GABBR2: variants seen among roughly 807,000 people sequenced by gnomAD.
GABBR2 encodes the protein G-protein coupled receptor 51.
In GABBR2, 23 loss-of-function variants were observed where a neutral mutation model predicts 105.6. The observed-to-expected ratio is 0.22, with a 90% CI of 0.16 to 0.31. GABBR2 has a LOEUF of 0.31. Ranked by LOEUF, GABBR2 falls within the 10% of genes least tolerant of loss-of-function variation. The pLI, the probability that GABBR2 is intolerant of heterozygous loss-of-function variation, is 1.00. For synonymous variants in GABBR2, 478 were observed against 499.7 expected, an observed-to-expected ratio of 0.96 and a Z score of 0.58; for missense variants, 734 against 1,245.5, an observed-to-expected ratio of 0.59 and a Z score of 6.18.
chr9:98,577,322 T>C (rs907952782), intron 2 of GABBR2, among the ~76,000 whole-genome samples: 14 of 151,724 alleles, frequency 9.2e-5, no homozygotes, highest in African/African-American at 1.7e-4. Context: ...CAGCTAACAC[T>C]GGAAAGTCTC....
intron 18 of GABBR2, among the ~76,000 whole-genome samples, chr9:98,292,377 C>T (rs534359629): frequency 6.6e-6 from 1 of 152,238 alleles, no homozygotes. Flanking sequence ...TGCTTCTGTT[C>T]AACCACATTG....
chr9:98,329,003 T>C (rs1293444899), intron 13 of GABBR2, among the ~76,000 whole-genome samples: 1 of 152,182 alleles, frequency 6.6e-6, no homozygotes, highest in Non-Finnish European at 1.5e-5. Context: ...GGGCTAGACA[T>C]AGCACCTGTC....
chr9:98,298,214 T>C (rs1457912454), intron 17 of GABBR2, among the ~76,000 whole-genome samples: 2 of 152,200 alleles, frequency 1.3e-5, no homozygotes, highest in East Asian at 3.9e-4. Flanking sequence ...ATAATCATAA[T>C]GTTGGCTTTC....
chr9:98,484,575 G>A (rs1827002482), intron 4 of GABBR2, among the ~76,000 whole-genome samples: 1 of 152,126 alleles, frequency 6.6e-6, no homozygotes, highest in South Asian at 2.1e-4. Flanking sequence ...GGGGGATGAG[G>A]CTGGATGGGG....
At chr9:98,537,456 CT>C (rs200207665) in intron 3 of GABBR2, among the ~76,000 whole-genome samples, 265 of 146,916 alleles carry the variant, frequency 1.8e-3, no homozygotes, top group African/African-American at 2.3e-3. Context: ...CAAACACATA[CT>C]TTTTTTTTTT....
intron 1 of GABBR2, among the ~76,000 whole-genome samples, chr9:98,705,621 T>A (rs998977022): frequency 1.3e-5 from 2 of 152,204 alleles, no homozygotes; most frequent in African/African-American, 4.8e-5. Flanking sequence ...CCAATCTGAA[T>A]AAACTAGACC....
intron 1 of GABBR2, among the ~76,000 whole-genome samples, chr9:98,696,123 T>C (rs1051485495): frequency 6.6e-6 from 1 of 152,238 alleles, no homozygotes; most frequent in Admixed American, 6.5e-5. Context: ...GGAAAGTTCA[T>C]GGTTCTTAGA....
At chr9:98,340,847 T>A (rs890073577) in intron 13 of GABBR2, among the ~76,000 whole-genome samples, 2 of 152,178 alleles carry the variant, frequency 1.3e-5, no homozygotes, top group Non-Finnish European at 2.9e-5. Context: ...TTAAAAATAA[T>A]AAAAATTTAA....
At chr9:98,314,656 T>A (rs914616967) in intron 13 of GABBR2, among the ~76,000 whole-genome samples, 2 of 152,270 alleles carry the variant, frequency 1.3e-5, no homozygotes, top group Admixed American at 6.5e-5. Context: ...AGCCTTCTCC[T>A]CCTGGACCTC....
intron 7 of GABBR2, among the ~76,000 whole-genome samples, chr9:98,449,901 C>A (rs958493078): frequency 6.6e-6 from 1 of 152,054 alleles, no homozygotes; most frequent in Non-Finnish European, 1.5e-5. Flanking sequence ...ACATGGAATC[C>A]CACTTCAGAG....
intron 1 of GABBR2, among the ~76,000 whole-genome samples, chr9:98,675,391 T>C (rs560425219): frequency 3.3e-5 from 5 of 152,112 alleles, no homozygotes; most frequent in African/African-American, 7.2e-5. Flanking sequence ...AGTGAGGCTA[T>C]GAAGAAAGGC....
intron 1 of GABBR2, among the ~76,000 whole-genome samples, chr9:98,649,079 A>G (rs1830069693): frequency 6.6e-6 from 1 of 152,194 alleles, no homozygotes; most frequent in Non-Finnish European, 1.5e-5. Flanking sequence ...AAAGTGATGG[A>G]TGTCTCCAAA....
intron 13 of GABBR2, among the ~76,000 whole-genome samples, chr9:98,333,722 T>C (rs1240880616): frequency 6.6e-6 from 1 of 152,156 alleles, no homozygotes; most frequent in African/African-American, 2.4e-5. Flanking sequence ...AGGATGCATA[T>C]ATCGTTTAGG....
chr9:98,515,965 A>G, intron 3 of GABBR2: 1 of 152,620 alleles, frequency 6.6e-6, no homozygotes, highest in Admixed American at 6.5e-5. Context: ...AGAAGAGAGG[A>G]AGAGCTTGGG....
At chr9:98,611,785 T>A (rs1829510658) in intron 1 of GABBR2, among the ~76,000 whole-genome samples, 1 of 152,220 alleles carries the variant, frequency 6.6e-6, no homozygotes, top group South Asian at 2.1e-4. Flanking sequence ...TCACACTACA[T>A]CTGTCTGCCT....
intron 13 of GABBR2, among the ~76,000 whole-genome samples, chr9:98,327,492 C>T (rs1830943762): frequency 6.6e-6 from 1 of 152,068 alleles, no homozygotes; most frequent in South Asian, 2.1e-4. Flanking sequence ...TCTAAAACTT[C>T]TTTGGCTAAT....
chr9:98,673,748 CAG>C (rs771448523), intron 1 of GABBR2, among the ~76,000 whole-genome samples: 2 of 152,236 alleles, frequency 1.3e-5, no homozygotes, highest in South Asian at 2.1e-4. Flanking sequence ...CGGGGCATAA[CAG>C]AGCATGGAAA....
chr9:98,681,483 T>G (rs1481602824), intron 1 of GABBR2, among the ~76,000 whole-genome samples: 5 of 150,800 alleles, frequency 3.3e-5, no homozygotes, highest in Non-Finnish European at 5.9e-5. Flanking sequence ...ATATAACTAA[T>G]GCTAGATGAC....
At chr9:98,619,137 T>C (rs1829633681) in intron 1 of GABBR2, among the ~76,000 whole-genome samples, 1 of 152,002 alleles carries the variant, frequency 6.6e-6, no homozygotes, top group Non-Finnish European at 1.5e-5. Context: ...ATTAAAAGAA[T>C]AGAAACATTA....
Sources: gnomAD v4.1 joint callset for allele counts (sites outside exome capture counted in the v4.1 genomes callset) on GRCh38, gnomAD v4.1.1 for gene constraint, MANE v1.5 for transcripts, NCBI Gene and HGNC (gene_info 2026-07-23, HGNC 2026-07-21) for gene names.